The following TMTC3 variants were observed in gnomAD, a reference collection of about 807,000 sequenced individuals.
TMTC3 encodes protein O-mannosyl-transferase TMTC3.
A neutral mutation model predicts 92.2 loss-of-function variants in TMTC3; 52 were observed. The observed-to-expected ratio is 0.56, with a 90% CI of 0.45 to 0.71. The LOEUF (loss-of-function observed/expected upper bound fraction) is 0.71. Among genes scored for constraint, TMTC3 ranks in the 30% least tolerant of loss-of-function variants. TMTC3 has a pLI of 0.00. For synonymous variants in TMTC3, 339 were observed against 363.3 expected, an observed-to-expected ratio of 0.93 and a Z score of 0.76; for missense variants, 896 against 1,057.1, an observed-to-expected ratio of 0.85 and a Z score of 2.11.
At chr12:88,146,633 A>G (rs1042823324) in intron 1 of TMTC3, among the ~76,000 whole-genome samples, 1 of 149,512 alleles carries the variant, frequency 6.7e-6, no homozygotes, top group Non-Finnish European at 1.5e-5. Context: ...ATACATATAT[A>G]TGTATATATA....
At chr12:88,151,668 G>A (rs2040944557) in intron 2 of TMTC3, among the ~76,000 whole-genome samples, 1 of 151,294 alleles carries the variant, frequency 6.6e-6, no homozygotes. Flanking sequence ...TATGTATACT[G>A]CAATTCAAAA....
intron 10 of TMTC3, among the ~76,000 whole-genome samples, chr12:88,176,792 C>G (rs925216401): frequency 1.3e-4 from 20 of 151,130 alleles, no homozygotes; most frequent in African/African-American, 9.7e-5. Context: ...CAAAAACAAA[C>G]AAAAACATTT....
intron 2 of TMTC3, among the ~76,000 whole-genome samples, chr12:88,149,197 A>G (rs1007885516): frequency 1.3e-5 from 2 of 152,152 alleles, no homozygotes; most frequent in African/African-American, 4.8e-5. Flanking sequence ...CCAAAAGTTT[A>G]GTTCAATAAT....
chr12:88,149,235 A>T (rs2040912459), intron 2 of TMTC3, among the ~76,000 whole-genome samples: 2 of 152,070 alleles, frequency 1.3e-5, no homozygotes, highest in South Asian at 4.1e-4. Context: ...CATATGGTTC[A>T]TTTTTATGAG....
At chr12:88,178,219 G>C (rs1011856318) in intron 10 of TMTC3, among the ~76,000 whole-genome samples, 3 of 152,198 alleles carry the variant, frequency 2.0e-5, no homozygotes, top group Non-Finnish European at 2.9e-5. Flanking sequence ...GTTTCAATTA[G>C]AGAAAGGTGA....
chr12:88,160,288 C>A, intron 5 of TMTC3, 59 bp downstream of exon 5: 2 of 963,846 alleles, frequency 2.1e-6, no homozygotes, highest in South Asian at 2.4e-5. Flanking sequence ...CTAGTTGAAT[C>A]AAATTTTATT....
At position 88,195,425 on chromosome 12, in the gene TMTC3, A is replaced by C; in HGVS notation, c.2521A>C (p.Ile841Leu). The change falls in exon 14 of 14, where the codon ATT (isoleucine) becomes CTT (leucine). Residue 841 changes from isoleucine to leucine, a missense_variant. Physicochemically the swap from Ile to Leu is conservative, Grantham distance 5 (BLOSUM62 2). Transcript: ENST00000266712. ...SKISSVEGKK[I>L]PTESVKEIRG... Reference sequence around the variant, plus strand: ...GATTTCAAGTGTGGAAGGAAAGAAAATTCCAACTGAAAGTGTAAAAGAAAT... The same window carrying C: ...GATTTCAAGTGTGGAAGGAAAGAAACTTCCAACTGAAAGTGTAAAAGAAAT... 6.2e-7 allele frequency: 1 copy of C among 1,613,506 alleles called. No individual in the cohort carries two copies. Among genetic ancestry groups the C allele is most frequent in the Non-Finnish European group, 8.5e-7 (1 of 1,179,782 alleles).
chr12:88,170,560 G>T (rs1199483510), intron 7 of TMTC3, among the ~76,000 whole-genome samples: 1 of 152,124 alleles, frequency 6.6e-6, no homozygotes, highest in East Asian at 1.9e-4. Context: ...CTCAGATTCA[G>T]TGTTGCCTTA....
intron 1 of TMTC3, among the ~76,000 whole-genome samples, chr12:88,145,503 T>C (rs907260988): frequency 6.6e-6 from 1 of 152,140 alleles, no homozygotes; most frequent in African/African-American, 2.4e-5. Flanking sequence ...AATTTAGAAG[T>C]TTATTTTGCC....
chr12:88,169,067 T>C (rs4469980), intron 7 of TMTC3, among the ~76,000 whole-genome samples: 3,752 of 152,230 alleles, frequency 0.025, 140 homozygotes, highest in African/African-American at 0.083. Context: ...AATTAGGAAA[T>C]GTAGTTGCCT....
At chr12:88,153,565 C>A in intron 3 of TMTC3, 56 bp downstream of exon 3, 1 of 1,026,596 alleles carries the variant, frequency 9.7e-7, no homozygotes, top group South Asian at 1.6e-5. Context: ...AAATCCTGCA[C>A]AGTGATTATA....
chr12:88,150,609 G>C (rs964921183), intron 2 of TMTC3, among the ~76,000 whole-genome samples: 2 of 152,180 alleles, frequency 1.3e-5, no homozygotes, highest in Non-Finnish European at 2.9e-5. Context: ...AGAGTGAAGA[G>C]TGTAGTTGTG....
At chr12:88,190,730 TCTTA>T (rs1396386866) in intron 12 of TMTC3, 108 bp downstream of exon 12, 3 of 1,224,078 alleles carry the variant, frequency 2.5e-6, no homozygotes, top group South Asian at 1.6e-5. Flanking sequence ...TTTTTAATAA[TCTTA>T]CTTAGCAACC....
chr12:88,148,601 A>G (rs2138357598), intron 2 of TMTC3, 97 bp downstream of exon 2: 1 of 895,032 alleles, frequency 1.1e-6, no homozygotes, highest in South Asian at 2.2e-5. Context: ...TATCATCACA[A>G]CAGTTACAGA....
intron 10 of TMTC3, among the ~76,000 whole-genome samples, chr12:88,180,774 C>G (rs1189460839): frequency 2.0e-5 from 3 of 152,120 alleles, no homozygotes; most frequent in Non-Finnish European, 2.9e-5. Flanking sequence ...GGTGTGAACA[C>G]AAGCATATTC....
intron 2 of TMTC3, 54 bp from the exon 3 acceptor site, chr12:88,153,237 G>C: frequency 4.9e-6 from 6 of 1,225,228 alleles, no homozygotes; most frequent in Non-Finnish European, 6.9e-6. Context: ...ATGAGCTTTT[G>C]TACCCTGTTG....
chr12:88,195,403 T>G lies in TMTC3; in HGVS notation c.2499T>G (p.Ile833Met). 6.2e-7 allele frequency: 1 copy of G among 1,613,800 alleles called. No homozygotes were observed. The highest frequency in any genetic ancestry group is 8.5e-7 in the Non-Finnish European group (1 of 1,179,888). Residue 833 changes from isoleucine to methionine, a missense_variant, in exon 14 of 14, where the codon ATT (isoleucine) becomes ATG (methionine). Physicochemically the swap from Ile to Met is conservative, Grantham distance 10 (BLOSUM62 1). Coordinates refer to ENST00000266712, the MANE Select transcript of TMTC3 (RefSeq NM_181783.4). ...AGCCAATATTCCCAACCAGTAAGAT[T>G]TCAAGTGTGGAAGGAAAGAAAATTC... ...FIEPIFPTSKISSVEGKKIPT... is the reference protein window; with the variant it reads ...FIEPIFPTSKMSSVEGKKIPT...
rs752253494 is a variant in TMTC3 at position 88,172,615 on chromosome 12, T to C, written c.1069T>C (p.Leu357=). The change falls in exon 8 of 14, where the codon TTA becomes CTA. Residue 357 remains leucine (L), a synonymous_variant. Coordinates refer to ENST00000266712, the MANE Select transcript of TMTC3 (RefSeq NM_181783.4). Reference sequence around the variant, plus strand: ...TTTGTAGGCGCTTTGTTTAATGGCATTACCATTTATTCCTGCATCGAACCT... The same window carrying C: ...TTTGTAGGCGCTTTGTTTAATGGCACTACCATTTATTCCTGCATCGAACCT... ...TVLMALCLMA[L]PFIPASNLFF... is the part of the protein sequence containing the mutation. 2.7e-6 allele frequency: 4 copies of C among 1,470,406 alleles called. No homozygotes were observed. In the South Asian group the frequency reaches 6.6e-5, roughly 24 times the overall value. The allele number at this position is 1,470,406 out of a possible 1,614,324, so 91.1% of individuals were successfully genotyped here.
chr12:88,166,596 C>A lies in TMTC3; in HGVS notation c.1050+14C>A, dbSNP rs1438305778. ...ACTGTTTTAATGGTAAGAAACTTTT[C>A]TTAACTTCCAAATGATGTTAACATT... On this transcript the variant is annotated intron_variant, in intron 7 of 13. Coordinates refer to ENST00000266712, the MANE Select transcript of TMTC3 (RefSeq NM_181783.4). 6.2e-7 allele frequency: 1 copy of A among 1,601,130 alleles called. No homozygotes were observed. Among genetic ancestry groups the A allele is most frequent in the Non-Finnish European group, 8.5e-7 (1 of 1,175,208 alleles).
Sources: allele counts gnomAD v4.1 joint callset (sites outside exome capture counted in the v4.1 genomes callset), GRCh38; gene constraint gnomAD v4.1.1; transcripts MANE v1.5; gene names NCBI Gene and HGNC (gene_info 2026-07-23, HGNC 2026-07-21).